Variants in MIA3 observed in about 807,000 individuals in gnomAD.
MIA3 encodes MIA SH3 domain ER export factor 3.
A neutral mutation model predicts 192.4 loss-of-function variants in MIA3; 90 were observed. The ratio of observed to expected loss-of-function variants is 0.47; its 90% confidence interval spans 0.39 to 0.56. MIA3 has a LOEUF of 0.56. Among genes scored for constraint, MIA3 ranks in the 20% least tolerant of loss-of-function variants. The pLI, the probability that MIA3 is intolerant of heterozygous loss-of-function variation, is 0.00. For synonymous variants in MIA3, 740 were observed against 792.8 expected (o/e 0.93, Z 1.12); for missense variants, 2,123 against 2,269.4 (o/e 0.94, Z 1.31).
intron 6 of MIA3, among the ~76,000 whole-genome samples, chr1:222,642,335 C>T (rs991162990): frequency 7.2e-5 from 11 of 152,058 alleles, no homozygotes; most frequent in African/African-American, 2.4e-4. Flanking sequence ...AAGTAGTAGT[C>T]TCTACTTTTC....
chr1:222,644,246 C>A, intron 6 of MIA3: 1 of 1,340,078 alleles, frequency 7.5e-7, no homozygotes, highest in Non-Finnish European at 9.7e-7. Context: ...GCTCTGGCCC[C>A]GCCCTCGCCG....
At chr1:222,637,575 A>G (rs3002148) in intron 6 of MIA3, among the ~76,000 whole-genome samples, 33,457 of 151,996 alleles carry the variant, frequency 0.22, 4,064 homozygotes, top group Admixed American at 0.34. Context: ...CATTCGTGGC[A>G]TTATCAAATG....
At chr1:222,623,225 A>T (rs1373049555) in intron 2 of MIA3, among the ~76,000 whole-genome samples, 1 of 152,070 alleles carries the variant, frequency 6.6e-6, no homozygotes, top group South Asian at 2.1e-4. Context: ...TGATGTATGA[A>T]AGCAAAATTA....
chr1:222,650,685 C>G lies in MIA3; in HGVS notation c.3772C>G (p.Leu1258Val). 1.3e-6 allele frequency: 2 copies of G among 1,598,786 alleles called. No homozygotes were observed. Among genetic ancestry groups the G allele is most frequent in the African/African-American group, 2.7e-5 (2 of 74,166 alleles). ...GGAAACCAGGAAACAAAATATGATT[C>G]TCTCTGATGAAGCAATTAAATATAA... Reference protein sequence around the residue: ...VQETRKQNMILSDEAIKYKDK... With the variant: ...VQETRKQNMIVSDEAIKYKDK... Residue 1258 changes from leucine (L) to valine (V), a missense_variant, in exon 10 of 28, where the codon CTC (leucine) becomes GTC (valine). Transcript: ENST00000344922.
chr1:222,644,169 A>C, intron 6 of MIA3: 1 of 603,920 alleles, frequency 1.7e-6, no homozygotes, highest in East Asian at 6.7e-5. Context: ...GCCTCTTTTT[A>C]CTGGGATTCT....
chr1:222,620,115 A>C (rs1322229350), intron 1 of MIA3, among the ~76,000 whole-genome samples: 2 of 152,220 alleles, frequency 1.3e-5, no homozygotes, highest in African/African-American at 2.4e-5. Context: ...TTTAGCTTCA[A>C]AAAACAAGTA....
At position 222,666,936 on chromosome 1, in the gene MIA3, CACTAAA is replaced by C. The variant is rs1664319829; in HGVS notation, c.*1325_*1330del. 6.6e-6 allele frequency: 1 copy of C among 152,144 alleles called. No individual in the cohort carries two copies. The highest frequency in any genetic ancestry group is 2.4e-5 in the African/African-American group (1 of 41,418). The allele number at this position is 152,144 out of a possible 1,614,324, so 9.4% of individuals were successfully genotyped here. A position where few individuals can be genotyped will look rare whatever the true frequency, so the allele number is the denominator to read the frequency against. On this transcript the variant is annotated 3_prime_UTR_variant, in exon 28 of 28. Coordinates refer to ENST00000344922, the MANE Select transcript of MIA3 (RefSeq NM_198551.4). The stretch of plus-strand genomic sequence containing the variant: ...CTCCTTTTAAGGAGTTTCAGATCCA[CACTAAA>C]ACTAAAATCATAAAAGGCTGATACT...
intron 9 of MIA3, 58 bp downstream of exon 9, chr1:222,650,438 C>T (rs1042719177): frequency 3.5e-5 from 34 of 970,742 alleles, no homozygotes; most frequent in Middle Eastern, 2.5e-4. Flanking sequence ...TTATTTGTCA[C>T]CTATCTTATA....
At chr1:222,653,479 T>C (rs1663550561) in intron 15 of MIA3, 140 bp downstream of exon 15, 7 of 637,726 alleles carry the variant, frequency 1.1e-5, no homozygotes, top group African/African-American at 3.7e-5. Context: ...TCTGTTTGCA[T>C]TGGGCAGAGG....
At chr1:222,638,546 A>T (rs1024813803) in intron 6 of MIA3, among the ~76,000 whole-genome samples, 6 of 151,902 alleles carry the variant, frequency 3.9e-5, no homozygotes, top group Admixed American at 2.0e-4. Flanking sequence ...ACACACACAC[A>T]CACAGCTGGG....
At chr1:222,647,519 C>T (rs1558188210) in intron 7 of MIA3, among the ~76,000 whole-genome samples, 1 of 152,048 alleles carries the variant, frequency 6.6e-6, no homozygotes, top group Non-Finnish European at 1.5e-5. Context: ...AAAGAAGGGT[C>T]TTTTTTCCTG....
intron 27 of MIA3, chr1:222,665,095 A>T: frequency 1.9e-6 from 1 of 535,562 alleles, no homozygotes; most frequent in Non-Finnish European, 3.3e-6. Context: ...GCTACTGGGG[A>T]GTCTGAGGTG....
chr1:222,641,711 G>A (rs1477519802), intron 6 of MIA3: 2 of 555,830 alleles, frequency 3.6e-6, no homozygotes, highest in Non-Finnish European at 7.3e-6. Flanking sequence ...TTCTCGCTCA[G>A]CATGTTCAGA....
intron 6 of MIA3, among the ~76,000 whole-genome samples, chr1:222,645,168 T>TA (rs556572210): frequency 9.8e-4 from 150 of 152,386 alleles, no homozygotes; most frequent in African/African-American, 3.4e-3. Flanking sequence ...CATAAAAAGT[T>TA]AGTTACTTGT....
Position 222,660,269 on chromosome 1 carries a change from C to G in MIA3, c.5068C>G (p.Leu1690Val). The stretch of plus-strand genomic sequence containing the variant: ...GACAGTGGAGCCACCCGTGAGACCT[C>G]TCTCTGCTACTCTCAATCGAAGAGA... The part of the protein sequence containing the change: ...PLTVEPPVRP[L>V]SATLNRRDMP... The change falls in exon 24 of 28, where the codon CTC (leucine) becomes GTC (valine). Residue 1690 changes from leucine (L) to valine (V), a missense_variant. Physicochemically the swap from Leu to Val is conservative, Grantham distance 32. Transcript: ENST00000344922. 1 of 1,613,990 alleles carries G rather than the reference C, an allele frequency of 6.2e-7. No homozygotes were observed. The highest frequency in any genetic ancestry group is 1.7e-4 in the Middle Eastern group (1 of 6,054).
intron 18 of MIA3, 143 bp from the exon 19 acceptor site, chr1:222,658,579 G>A (rs1663849581): frequency 1.8e-6 from 1 of 563,528 alleles, no homozygotes; most frequent in African/African-American, 1.9e-5. Context: ...TATCCTAAAG[G>A]ACAGTTTTAT....
chr1:222,646,857 A>T (rs1481497954), intron 7 of MIA3, among the ~76,000 whole-genome samples: 2 of 152,248 alleles, frequency 1.3e-5, no homozygotes, highest in African/African-American at 2.4e-5. Flanking sequence ...GTATGTTCAT[A>T]TAATGGGATA....
chr1:222,629,551 A>C lies in MIA3; in HGVS notation c.2331A>C (p.Glu777Asp). Residue 777 changes from glutamate to aspartate, a missense_variant, in exon 4 of 28, where the codon GAA becomes GAC. This residue lies in a region of MIA3 where 1,357 missense variants were observed against 1,396.1 expected (regional missense o/e 0.97). Coordinates refer to ENST00000344922, the MANE Select transcript of MIA3 (RefSeq NM_198551.4). ...GTIHPDPEIE[E>D]SKQETSMILD... ...TTCATCCAGATCCAGAAATTGAAGAAAGCAAGCAAGAAACTAGTATGATTT... is the reference window on the plus strand; with the variant it reads ...TTCATCCAGATCCAGAAATTGAAGACAGCAAGCAAGAAACTAGTATGATTT... The C allele has an allele frequency of 1.2e-6, 2 of 1,613,928 alleles. No individual in the cohort carries two copies. Among genetic ancestry groups the C allele is most frequent in the Non-Finnish European group, 1.7e-6 (2 of 1,179,960 alleles).
chr1:222,622,319 T>A (rs1311304314), intron 2 of MIA3, among the ~76,000 whole-genome samples: 1 of 152,214 alleles, frequency 6.6e-6, no homozygotes, highest in African/African-American at 2.4e-5. Flanking sequence ...TATGAGTTAT[T>A]GTCCTTTCCT....
Sources: gnomAD v4.1 joint callset for allele counts (sites outside exome capture counted in the v4.1 genomes callset) on GRCh38, gnomAD v4.1.1 for gene constraint, gnomAD v4.1.1 regional missense constraint, MANE v1.5 for transcripts, NCBI Gene and HGNC (gene_info 2026-07-23, HGNC 2026-07-21) for gene names.